GRIP1: variants seen among roughly 807,000 people sequenced by gnomAD.
GRIP1 encodes the protein glutamate receptor-interacting protein 1.
A neutral mutation model predicts 129.9 loss-of-function variants in GRIP1; 45 were observed. The observed-to-expected ratio is 0.35, with a 90% confidence interval of 0.27 to 0.44. GRIP1 has a LOEUF of 0.44. GRIP1 is among the 20% of genes least tolerant of loss of function. The pLI is 1.00. For missense variants in GRIP1, 1,196 were observed against 1,396.8 expected (o/e 0.86, Z 2.29); for synonymous variants, 530 against 520.8 (o/e 1.02, Z -0.24).
intron 7 of GRIP1, among the ~76,000 whole-genome samples, chr12:66,465,860 AAAAG>A (rs2059272179): frequency 6.6e-6 from 1 of 152,202 alleles, no homozygotes; most frequent in Non-Finnish European, 1.5e-5. Flanking sequence ...ATGGATATAA[AAAAG>A]AAAGGAAGGA....
rs2054061085 is a variant in GRIP1, at chr12:66,348,197, G to A, written c.*822C>T. 1 of 152,154 alleles carries A rather than the reference G, an allele frequency of 6.6e-6. No individual in the cohort carries two copies. The highest frequency in any genetic ancestry group is 2.4e-5 in the African/African-American group (1 of 41,438). 9.4% of individuals were successfully genotyped at this position (152,154 alleles called of 1,614,324 possible). A position where few individuals can be genotyped will look rare whatever the true frequency, so the allele number is the denominator to read the frequency against. On this transcript the variant is annotated 3_prime_UTR_variant, in exon 25 of 25. Transcript: ENST00000359742. The stretch of plus-strand genomic sequence containing the variant: ...ATGAGTTTGGTTTGCCTATCATTAA[G>A]ATGAACCTCATTTTAATAGACTCTT...
intron 1 of GRIP1, among the ~76,000 whole-genome samples, chr12:66,725,218 C>A (rs1389557172): frequency 6.6e-6 from 1 of 152,048 alleles, no homozygotes; most frequent in Non-Finnish European, 1.5e-5. Context: ...AAGAGGATCA[C>A]TTGGGCCCAG....
At chr12:66,551,571 CTTTTT>C (rs10719369) in intron 2 of GRIP1, among the ~76,000 whole-genome samples, 2 of 114,454 alleles carry the variant, frequency 1.7e-5, no homozygotes, top group Non-Finnish European at 1.8e-5. Flanking sequence ...GGCTAGAATC[CTTTTT>C]TTTTTTTTTT....
At chr12:66,685,163 A>G (rs570816842) in intron 1 of GRIP1, among the ~76,000 whole-genome samples, 1 of 152,256 alleles carries the variant, frequency 6.6e-6, no homozygotes, top group African/African-American at 2.4e-5. Flanking sequence ...ACCTTGTTCT[A>G]GGCACTGAGG....
chr12:66,804,028 C>A (rs1442657016), intron 1 of GRIP1: 1 of 438,234 alleles, frequency 2.3e-6, no homozygotes, highest in Admixed American at 2.4e-5. Context: ...CGAGAAGGAA[C>A]CGGAGGATGG....
At chr12:66,580,118 A>G (rs906198325) in intron 2 of GRIP1, among the ~76,000 whole-genome samples, 9 of 148,436 alleles carry the variant, frequency 6.1e-5, no homozygotes, top group African/African-American at 2.0e-4. Context: ...TTCTTAAAGA[A>G]AAGAATTTTC....
upstream of GRIP1, among the ~76,000 whole-genome samples, chr12:66,679,616 C>G (rs17827030): frequency 0.024 from 3,578 of 152,136 alleles, 134 homozygotes; most frequent in East Asian, 0.14. Context: ...AGAGGGAATA[C>G]AAGAAAGGGT....
chr12:66,682,599 T>C (rs1456894300), upstream of GRIP1, among the ~76,000 whole-genome samples: 3 of 152,140 alleles, frequency 2.0e-5, no homozygotes, highest in African/African-American at 2.4e-5. Flanking sequence ...CTTATTCTAA[T>C]TTTCTCATTT....
At chr12:66,906,827 T>C (rs2040941642) in intron 1 of GRIP1, among the ~76,000 whole-genome samples, 1 of 152,218 alleles carries the variant, frequency 6.6e-6, no homozygotes, top group South Asian at 2.1e-4. Context: ...GCTTTTCTTT[T>C]TAACTTTTTA....
At chr12:66,687,580 G>A (rs1220008277) in intron 1 of GRIP1, among the ~76,000 whole-genome samples, 1 of 152,014 alleles carries the variant, frequency 6.6e-6, no homozygotes, top group Non-Finnish European at 1.5e-5. Context: ...TATATTCACA[G>A]GGAAAGTTCT....
At chr12:66,422,941 A>G (rs138907637) in intron 14 of GRIP1, among the ~76,000 whole-genome samples, 2 of 152,308 alleles carry the variant, frequency 1.3e-5, no homozygotes, top group East Asian at 3.9e-4. Context: ...CCGGGGGCCC[A>G]GTCATGGTTT....
chr12:66,850,163 T>C (rs2039886608), intron 1 of GRIP1, among the ~76,000 whole-genome samples: 1 of 152,144 alleles, frequency 6.6e-6, no homozygotes, highest in African/African-American at 2.4e-5. Context: ...ATTACAAATC[T>C]AAGAGTCAAA....
chr12:66,673,109 G>GA lies in GRIP1; in HGVS notation c.55+5740dup, dbSNP rs201041733. Among the ~76,000 whole-genome samples the GA allele has an allele frequency of 5.2e-3, 789 of 151,916 alleles. 5 individuals are homozygous for GA. Among genetic ancestry groups the GA allele is most frequent in the African/African-American group, 0.018 (744 of 41,446 alleles). ...ATGGTTTCTATCCGTTTCTAGAAGAGAAAAAAAATGGCAAAAATGAAACAC... is the reference window on the plus strand; with the variant it reads ...ATGGTTTCTATCCGTTTCTAGAAGAGAAAAAAAAATGGCAAAAATGAAACAC... On this transcript the variant is annotated intron_variant, in intron 1 of 24. Coordinates refer to ENST00000359742, the MANE Select transcript of GRIP1 (RefSeq NM_001366722.1).
intron 7 of GRIP1, among the ~76,000 whole-genome samples, chr12:66,513,962 C>G (rs1172410576): frequency 6.6e-6 from 1 of 152,160 alleles, no homozygotes; most frequent in East Asian, 1.9e-4. Flanking sequence ...TGTCTTCAGT[C>G]TGGGAGCTGG....
chr12:66,532,334 T>A (rs1263217463), intron 4 of GRIP1, among the ~76,000 whole-genome samples: 4 of 152,160 alleles, frequency 2.6e-5, no homozygotes, highest in Non-Finnish European at 4.4e-5. Context: ...TTAAGGTGCT[T>A]ACCCAAAAGA....
intron 22 of GRIP1, among the ~76,000 whole-genome samples, chr12:66,376,083 AT>A (rs1338247281): frequency 1.3e-5 from 2 of 152,232 alleles, no homozygotes; most frequent in African/African-American, 4.8e-5. Flanking sequence ...ATCTTACTTC[AT>A]TTAGATTTTA....
chr12:66,925,412 T>C (rs2041280381), intron 1 of GRIP1, among the ~76,000 whole-genome samples: 1 of 151,624 alleles, frequency 6.6e-6, no homozygotes, highest in Non-Finnish European at 1.5e-5. Flanking sequence ...ATGTATGGCC[T>C]ATGAGAAGTA....
intron 4 of GRIP1, 29 bp downstream of exon 4, chr12:66,539,049 C>G (rs767623650): frequency 6.3e-7 from 1 of 1,599,930 alleles, no homozygotes; most frequent in Admixed American, 1.7e-5. Flanking sequence ...AATGTATCCC[C>G]TATGGATAAG....
intron 2 of GRIP1, among the ~76,000 whole-genome samples, chr12:66,552,421 C>A (rs1369672057): frequency 6.6e-6 from 1 of 151,916 alleles, no homozygotes; most frequent in Non-Finnish European, 1.5e-5. Context: ...TTATACTTTT[C>A]CAAGTATTCT....
Sources: allele counts gnomAD v4.1 joint callset (sites outside exome capture counted in the v4.1 genomes callset), GRCh38; gene constraint gnomAD v4.1.1; transcripts MANE v1.5; gene names NCBI Gene and HGNC (gene_info 2026-07-23, HGNC 2026-07-21).